Variants in ZFP1 observed in about 807,000 individuals in gnomAD.
ZFP1 encodes ZFP1 zinc finger protein.
Under a neutral mutation model 38.5 loss-of-function variants are expected in ZFP1, and 32 were observed. The ratio of observed to expected loss-of-function variants is 0.83; its 90% CI spans 0.63 to 1.12. ZFP1 has a LOEUF of 1.12. ZFP1 is among the 50% of genes most tolerant of loss of function. The probability of loss-of-function intolerance (pLI) is 0.00; values close to 1 mark genes in which losing one functional copy is unlikely to be tolerated. For synonymous variants in ZFP1, 245 were observed against 168.8 expected (o/e 1.45, Z -3.50); for missense variants, 616 against 480.8 (o/e 1.28, Z -2.63).
At chr16:75,143,645 A>ATTT (rs1597020802), upstream of ZFP1, among the ~76,000 whole-genome samples, 11 of 91,646 alleles carry the variant, frequency 1.2e-4, no homozygotes, top group East Asian at 8.8e-4. Flanking sequence ...CAGGAGGTGA[A>ATTT]TCTTTTTTTT....
chr16:75,123,455 G>GTATATATATA, the ZFP1 span, among the ~76,000 whole-genome samples: 30 of 87,256 alleles, frequency 3.4e-4, no homozygotes, highest in East Asian at 1.3e-3. Flanking sequence ...GTGTGTATAT[G>GTATATATATA]TATATATATA....
the ZFP1 span, among the ~76,000 whole-genome samples, chr16:75,121,281 A>G: frequency 4.0e-5 from 6 of 149,912 alleles, no homozygotes; most frequent in African/African-American, 1.2e-4. Flanking sequence ...GCCCACCACC[A>G]CGCCCAGCTA....
At chr16:75,149,952 T>C (rs951647419) in intron 1 of ZFP1, among the ~76,000 whole-genome samples, 2 of 151,428 alleles carry the variant, frequency 1.3e-5, no homozygotes, top group Non-Finnish European at 2.9e-5. Flanking sequence ...ACCTGGCTGA[T>C]TTTTGTATTT....
At chr16:75,130,398 C>G in the ZFP1 span, among the ~76,000 whole-genome samples, 2 of 152,144 alleles carry the variant, frequency 1.3e-5, no homozygotes, top group African/African-American at 4.8e-5. Context: ...GGTCAGTGGC[C>G]TGCTAGCGCT....
intron 2 of ZFP1, among the ~76,000 whole-genome samples, chr16:75,155,597 A>G (rs558806555): frequency 6.6e-6 from 1 of 152,334 alleles, no homozygotes; most frequent in African/African-American, 2.4e-5. Flanking sequence ...TTATAACAAC[A>G]TATATAACAA....
chr16:75,166,966 A>G (rs1049075771), intron 3 of ZFP1, 70 bp downstream of exon 3: 23 of 1,546,986 alleles, frequency 1.5e-5, no homozygotes, highest in Non-Finnish European at 1.8e-5. Context: ...AGTGACCAGA[A>G]ATGAGCTTCT....
the ZFP1 span, among the ~76,000 whole-genome samples, chr16:75,120,311 C>T: frequency 6.6e-6 from 1 of 152,120 alleles, no homozygotes; most frequent in Admixed American, 6.6e-5. Flanking sequence ...TATCTCCTTT[C>T]TCTTGCACCC....
chr16:75,119,591 C>A, the ZFP1 span: 1 of 152,130 alleles, frequency 6.6e-6, no homozygotes, highest in Non-Finnish European at 1.5e-5. Flanking sequence ...AGGTAAGTAA[C>A]TGAATTGGGG....
the ZFP1 span, among the ~76,000 whole-genome samples, chr16:75,123,455 GTATATATATATATATATA>G: frequency 0.012 from 1,048 of 87,266 alleles, 29 homozygotes; most frequent in Non-Finnish European, 0.015. Flanking sequence ...GTGTGTATAT[GTATATATATATATATATA>G]TATATATATA....
In ZFP1 at chr16:75,166,771, G is replaced by T. The variant is rs762328171; in HGVS notation, c.17G>T (p.Gly6Val). Residue 6 changes from glycine to valine, a missense_variant and splice_region_variant, in exon 3 of 4, where the codon GGA (glycine) becomes GTA (valine). Gly to Val is a moderately radical substitution (Grantham distance 109). Transcript: ENST00000570010. MNKSQ[G>V]SVSFTDVTVD... ...ATGAATAACAATATGCCATTTCAGGGATCAGTTTCATTCACGGATGTGACT... is the reference window on the plus strand; with the variant it reads ...ATGAATAACAATATGCCATTTCAGGTATCAGTTTCATTCACGGATGTGACT... 7 of 1,613,968 alleles carry T rather than the reference G, an allele frequency of 4.3e-6. No homozygotes were observed. Among genetic ancestry groups the T allele is most frequent in the South Asian group, 1.1e-5 (1 of 91,072 alleles).
the ZFP1 span, among the ~76,000 whole-genome samples, chr16:75,142,477 C>T: frequency 6.6e-6 from 1 of 152,160 alleles, no homozygotes; most frequent in Non-Finnish European, 1.5e-5. Context: ...CCTGCCATCA[C>T]TCTAAGACTA....
chr16:75,167,046 C>G (rs2038127329), intron 3 of ZFP1, 150 bp downstream of exon 3: 1 of 1,383,832 alleles, frequency 7.2e-7, no homozygotes, highest in Non-Finnish European at 9.7e-7. Context: ...CTTTAAAGCT[C>G]TATCATCTCC....
At chr16:75,133,138 C>T in the ZFP1 span, among the ~76,000 whole-genome samples, 1 of 151,162 alleles carries the variant, frequency 6.6e-6, no homozygotes, top group South Asian at 2.1e-4. Flanking sequence ...CCACCACGCC[C>T]AGCTAATTTT....
the ZFP1 span, among the ~76,000 whole-genome samples, chr16:75,131,424 C>A: frequency 1.3e-5 from 2 of 152,140 alleles, no homozygotes; most frequent in African/African-American, 2.4e-5. Flanking sequence ...GGCTGCTGTT[C>A]TTGAAGCTAA....
At chr16:75,147,719 A>G (rs1240450276), upstream of ZFP1, among the ~76,000 whole-genome samples, 1 of 152,156 alleles carries the variant, frequency 6.6e-6, no homozygotes, top group Non-Finnish European at 1.5e-5. Flanking sequence ...TTTTCTGCTC[A>G]AATTTTGCTG....
chr16:75,145,579 AGCAGAGGG>A (rs1349500298), upstream of ZFP1, among the ~76,000 whole-genome samples: 3 of 152,210 alleles, frequency 2.0e-5, no homozygotes, highest in Non-Finnish European at 1.5e-5. Flanking sequence ...ACAGAAGAGC[AGCAGAGGG>A]GCAGAGGGGC....
At chr16:75,131,358 A>C in the ZFP1 span, among the ~76,000 whole-genome samples, 140,507 of 152,118 alleles carry the variant, frequency 0.92, 64,977 homozygotes, top group African/African-American at 0.94. Flanking sequence ...AGACTTCACA[A>C]CTCTTTCATA....
At chr16:75,165,875 T>G (rs1194670880) in intron 2 of ZFP1, among the ~76,000 whole-genome samples, 1 of 152,210 alleles carries the variant, frequency 6.6e-6, no homozygotes, top group African/African-American at 2.4e-5. Context: ...TAGACCTTTT[T>G]AGCTTGTCCC....
intron 2 of ZFP1, among the ~76,000 whole-genome samples, chr16:75,154,834 G>A (rs2037392549): frequency 6.6e-6 from 1 of 152,022 alleles, no homozygotes; most frequent in African/African-American, 2.4e-5. Flanking sequence ...GTCTTGCTCT[G>A]TCACACAGGC....
Sources: allele counts gnomAD v4.1 joint callset (sites outside exome capture counted in the v4.1 genomes callset), GRCh38; gene constraint gnomAD v4.1.1; transcripts MANE v1.5; gene names NCBI Gene and HGNC (gene_info 2026-07-23, HGNC 2026-07-21).